AUTS2: variants seen among roughly 807,000 people sequenced by gnomAD.
The protein encoded by AUTS2 is autism susceptibility gene 2 protein.
In AUTS2, 17 loss-of-function variants were observed where a neutral mutation model predicts 112.4. The observed-to-expected ratio is 0.15, with a 90% CI of 0.10 to 0.23. The LOEUF (loss-of-function observed/expected upper bound fraction) is 0.23. AUTS2 is among the 10% of genes least tolerant of loss of function. The pLI, the probability that AUTS2 is intolerant of heterozygous loss-of-function variation, is 1.00. For synonymous variants in AUTS2, 751 were observed against 702.7 expected, an observed-to-expected ratio of 1.07 and a Z score of -1.09; for missense variants, 1,510 against 1,701.6, an observed-to-expected ratio of 0.89 and a Z score of 1.98.
chr7:70,098,269 A>C (rs189216101), intron 2 of AUTS2, among the ~76,000 whole-genome samples: 6 of 152,346 alleles, frequency 3.9e-5, no homozygotes, highest in African/African-American at 1.4e-4. Context: ...GATTATCTAT[A>C]AAACTTTTAC....
At chr7:70,643,765 T>A (rs1016844849) in intron 5 of AUTS2, among the ~76,000 whole-genome samples, 2 of 152,186 alleles carry the variant, frequency 1.3e-5, no homozygotes, top group Non-Finnish European at 2.9e-5. Context: ...ATCTCTCTCT[T>A]TCCCCAACCC....
chr7:69,878,663 G>C (rs752763910), intron 1 of AUTS2, among the ~76,000 whole-genome samples: 3 of 152,198 alleles, frequency 2.0e-5, no homozygotes, highest in African/African-American at 7.2e-5. Flanking sequence ...CCTTGGACAG[G>C]ATAGAGCTTT....
chr7:70,290,805 CAA>C, intron 4 of AUTS2: 1 of 370,234 alleles, frequency 2.7e-6, no homozygotes, highest in Non-Finnish European at 4.2e-6. Context: ...TGCCAAGAAG[CAA>C]AGTCATTACA....
At chr7:70,285,850 T>C (rs930139094) in intron 4 of AUTS2, among the ~76,000 whole-genome samples, 6 of 152,244 alleles carry the variant, frequency 3.9e-5, no homozygotes, top group African/African-American at 1.2e-4. Flanking sequence ...ACAGGAGATG[T>C]GGTCACTGTG....
At chr7:70,789,490 G>A (rs113980805) in intron 18 of AUTS2, among the ~76,000 whole-genome samples, 3 of 152,222 alleles carry the variant, frequency 2.0e-5, no homozygotes, top group Admixed American at 1.3e-4. Flanking sequence ...AACATGCAGA[G>A]AGATTCTTGC....
intron 4 of AUTS2, among the ~76,000 whole-genome samples, chr7:70,191,855 G>A (rs989418048): frequency 1.3e-5 from 2 of 151,730 alleles, no homozygotes. Flanking sequence ...GGGGTTAGGA[G>A]TTTAAAACCA....
At chr7:70,090,997 C>T (rs1427948612) in intron 2 of AUTS2, among the ~76,000 whole-genome samples, 1 of 152,124 alleles carries the variant, frequency 6.6e-6, no homozygotes, top group Non-Finnish European at 1.5e-5. Context: ...TCTTGAAGTA[C>T]AGGCCTACTG....
chr7:70,364,601 A>G (rs1792476423), intron 4 of AUTS2, among the ~76,000 whole-genome samples: 1 of 150,468 alleles, frequency 6.6e-6, no homozygotes, highest in African/African-American at 2.4e-5. Context: ...AAATAAATAA[A>G]TAAATAAATA....
chr7:70,589,685 GC>G (rs1802848621), intron 5 of AUTS2, among the ~76,000 whole-genome samples: 1 of 152,206 alleles, frequency 6.6e-6, no homozygotes, highest in Non-Finnish European at 1.5e-5. Context: ...CTGCACTCTA[GC>G]CTGGGTGATA....
intron 1 of AUTS2, among the ~76,000 whole-genome samples, chr7:69,657,349 T>C (rs1020748762): frequency 4.6e-5 from 7 of 152,216 alleles, no homozygotes; most frequent in African/African-American, 1.7e-4. Context: ...TGATATTCCA[T>C]TGACCTTTCA....
chr7:69,943,092 A>G (rs1257947445), intron 2 of AUTS2, among the ~76,000 whole-genome samples: 2 of 152,234 alleles, frequency 1.3e-5, no homozygotes, highest in Admixed American at 6.5e-5. Flanking sequence ...TTTGCGTTAT[A>G]TATGTATGTA....
intron 4 of AUTS2, among the ~76,000 whole-genome samples, chr7:70,166,504 T>G (rs576773419): frequency 5.3e-5 from 8 of 152,298 alleles, no homozygotes; most frequent in African/African-American, 1.9e-4. Flanking sequence ...GGAAATATAC[T>G]GTTGTAAGGT....
intron 4 of AUTS2, among the ~76,000 whole-genome samples, chr7:70,261,929 A>G (rs1265611504): frequency 6.6e-6 from 1 of 152,102 alleles, no homozygotes; most frequent in Non-Finnish European, 1.5e-5. Flanking sequence ...TTCTATCACC[A>G]TTTTTGTTTT....
intron 1 of AUTS2, among the ~76,000 whole-genome samples, chr7:69,823,369 A>G (rs1470126172): frequency 6.6e-6 from 1 of 152,224 alleles, no homozygotes; most frequent in Admixed American, 6.5e-5. Context: ...TCCACTCAGC[A>G]TAGACTCTTG....
chr7:70,691,419 GGAA>G (rs1235659022), intron 5 of AUTS2, among the ~76,000 whole-genome samples: 2 of 56,866 alleles, frequency 3.5e-5, no homozygotes, highest in Admixed American at 2.3e-4. Context: ...AATTTCTCAA[GGAA>G]AAAAAAAAAA....
At chr7:69,728,680 C>CAT (rs527612491) in intron 1 of AUTS2, among the ~76,000 whole-genome samples, 2 of 128,728 alleles carry the variant, frequency 1.6e-5, no homozygotes, top group African/African-American at 2.9e-5. Flanking sequence ...TTGCTTGTGG[C>CAT]TTTTTTTTTT....
intron 1 of AUTS2, among the ~76,000 whole-genome samples, chr7:69,699,772 A>G (rs10255563): frequency 0.097 from 14,754 of 151,340 alleles, 1,128 homozygotes; most frequent in African/African-American, 0.21. Context: ...AGCCTCCTGA[A>G]TAGCTGGAAT....
At chr7:70,786,626 T>C (rs1791503023) in intron 17 of AUTS2, among the ~76,000 whole-genome samples, 1 of 152,162 alleles carries the variant, frequency 6.6e-6, no homozygotes, top group South Asian at 2.1e-4. Context: ...AGTCGCTGAA[T>C]ATGCAAATTA....
intron 5 of AUTS2, among the ~76,000 whole-genome samples, chr7:70,529,322 A>G (rs1417148220): frequency 6.6e-6 from 1 of 152,220 alleles, no homozygotes; most frequent in Non-Finnish European, 1.5e-5. Flanking sequence ...GCCCCTTCAT[A>G]AATAATCTTT....
Sources: gnomAD v4.1 joint callset for allele counts (sites outside exome capture counted in the v4.1 genomes callset) on GRCh38, gnomAD v4.1.1 for gene constraint, MANE v1.5 for transcripts, NCBI Gene and HGNC (gene_info 2026-07-23, HGNC 2026-07-21) for gene names.